Variants in NAAA observed in about 807,000 individuals in gnomAD.
NAAA encodes N-acylethanolamine-hydrolyzing acid amidase.
In NAAA, 39 loss-of-function variants were observed where a neutral mutation model predicts 44.8. The ratio of observed to expected loss-of-function variants is 0.87; its 90% CI spans 0.67 to 1.14. The LOEUF (loss-of-function observed/expected upper bound fraction) is 1.14, where lower values mean the gene tolerates loss of function less well. Ranked by LOEUF, NAAA falls within the 50% of genes most tolerant of loss-of-function variation. The pLI, the probability that NAAA is intolerant of heterozygous loss-of-function variation, is 0.00. For missense variants in NAAA, 460 were observed against 467.8 expected (o/e 0.98, Z 0.15); for synonymous variants, 178 against 191.3 (o/e 0.93, Z 0.58).
intron 5 of NAAA, among the ~76,000 whole-genome samples, chr4:75,925,341 A>G (rs1726573799): frequency 6.6e-6 from 1 of 152,148 alleles, no homozygotes; most frequent in Non-Finnish European, 1.5e-5. Context: ...TGCCTGGAGC[A>G]TAACTTCTAA....
At chr4:75,928,672 G>A (rs1332283235) in intron 4 of NAAA, among the ~76,000 whole-genome samples, 1 of 152,116 alleles carries the variant, frequency 6.6e-6, no homozygotes, top group Non-Finnish European at 1.5e-5. Flanking sequence ...GGCCAGGCCT[G>A]GAGATGCAAC....
chr4:75,931,140 G>A (rs1560513962), intron 4 of NAAA, 74 bp downstream of exon 4: 6 of 1,196,432 alleles, frequency 5.0e-6, no homozygotes, highest in Non-Finnish European at 7.4e-6. Flanking sequence ...ATTCTGTTGG[G>A]TGAGTGAAGG....
At chr4:75,920,885 T>G in intron 6 of NAAA, 66 bp downstream of exon 6, 3 of 1,612,574 alleles carry the variant, frequency 1.9e-6, no homozygotes, top group Non-Finnish European at 2.5e-6. Context: ...AAAATACCCC[T>G]CATTTCACCG....
At chr4:75,921,985 G>C (rs570932721) in intron 5 of NAAA, among the ~76,000 whole-genome samples, 1 of 152,100 alleles carries the variant, frequency 6.6e-6, no homozygotes, top group Admixed American at 6.5e-5. Context: ...AATATCCTTC[G>C]GTGGAGGGCC....
In NAAA at chr4:75,913,930, T is replaced by C. The variant is rs566865173; in HGVS notation, c.*445A>G. On this transcript the variant is annotated 3_prime_UTR_variant, in exon 11 of 11. Coordinates refer to ENST00000286733, the MANE Select transcript of NAAA (RefSeq NM_014435.4). ...GGTTCGAAATAGAGTTCTCCATTTC[T>C]TTCAGATGAGCCTTTTTTCTTAGGC... The C allele has an allele frequency of 1.9e-5, 19 of 985,434 alleles. No individual in the cohort carries two copies. The highest frequency in any genetic ancestry group is 2.3e-5 in the Non-Finnish European group (19 of 829,932). The allele number at this position is 985,434 out of a possible 1,614,324, so 61.0% of individuals were successfully genotyped here.
At chr4:75,915,766 C>T (rs913765887) in intron 9 of NAAA, among the ~76,000 whole-genome samples, 10 of 152,152 alleles carry the variant, frequency 6.6e-5, no homozygotes, top group Non-Finnish European at 1.2e-4. Flanking sequence ...AGGCACCTGC[C>T]CCGCCCCTCC....
In NAAA at chr4:75,939,985, G is replaced by A. The variant is rs1225509231; in HGVS notation, c.371+16C>T. Reference sequence around the variant, plus strand: ...CGCAAGCCCCGCGTTACTCCGCGCGGGCTTGGGGCACTCACACGGAGGACT... The same window carrying A: ...CGCAAGCCCCGCGTTACTCCGCGCGAGCTTGGGGCACTCACACGGAGGACT... On this transcript the variant is annotated intron_variant, in intron 2 of 10. Coordinates refer to ENST00000286733, the MANE Select transcript of NAAA (RefSeq NM_014435.4). 3 of 1,612,694 alleles carry A rather than the reference G, an allele frequency of 1.9e-6. No homozygotes were observed. Among genetic ancestry groups the A allele is most frequent in the East Asian group, 2.2e-5 (1 of 44,842 alleles).
chr4:75,921,110 G>A lies in NAAA; in HGVS notation c.680C>T (p.Ser227Leu), dbSNP rs750404242. ...SWLIRATLSE[S>L]ENFEAAVGKL... ...GCCAACAGCTGCTTCGAAGTTTTCC[G>A]ACTCACTCAGGGTCTGAACGAAAGG... The change falls in exon 6 of 11, where the codon TCG (serine) becomes TTG (leucine). Residue 227 changes from serine to leucine, a missense_variant. By Grantham distance (145) the Ser-to-Leu change is moderately radical (BLOSUM62 -2). Transcript: ENST00000286733. 75 of 1,582,572 alleles carry A rather than the reference G, an allele frequency of 4.7e-5. No homozygotes were observed. The highest frequency in any genetic ancestry group is 5.7e-5 in the Non-Finnish European group (67 of 1,169,782).
At chr4:75,918,695 C>T (rs1560500189) in intron 9 of NAAA, 66 bp downstream of exon 9, 2 of 1,547,216 alleles carry the variant, frequency 1.3e-6, no homozygotes, top group East Asian at 2.2e-5. Flanking sequence ...CTGAGCCAAA[C>T]AGTACGTGAG....
At chr4:75,915,009 T>G (rs772940659) in intron 9 of NAAA, 24 bp from the exon 10 acceptor site, 1 of 1,516,022 alleles carries the variant, frequency 6.6e-7, no homozygotes, top group Admixed American at 1.7e-5. Flanking sequence ...GGAAATTTTA[T>G]GTACACATCA....
chr4:75,926,021 A>G (rs1185138079), intron 4 of NAAA, among the ~76,000 whole-genome samples: 2 of 152,180 alleles, frequency 1.3e-5, no homozygotes, highest in African/African-American at 2.4e-5. Context: ...CCATCAAGGG[A>G]AGTGTCTTAA....
chr4:75,917,183 C>A, intron 9 of NAAA: 1 of 709,414 alleles, frequency 1.4e-6, no homozygotes, highest in South Asian at 6.4e-5. Flanking sequence ...CAACATTGTG[C>A]CCCGCTATGA....
chr4:75,919,604 G>A (rs905287309), intron 8 of NAAA: 75 of 452,128 alleles, frequency 1.7e-4, no homozygotes, highest in Non-Finnish European at 2.8e-4. Flanking sequence ...TCAGCCTCTG[G>A]AGTAGCTTGG....
In NAAA at chr4:75,939,647, C is replaced by T. The variant is rs527304375; in HGVS notation, c.371+354G>A. 3.7e-5 allele frequency: 8 copies of T among 217,736 alleles called. No individual in the cohort carries two copies. The East Asian group carries it at 8.1e-4, about 22-fold the overall frequency. 13.5% of individuals were successfully genotyped at this position (217,736 alleles called of 1,614,324 possible). ...GGCCAGGCTGATCTCGAACTCCTAA[C>T]CTCGTGATCTGCCCACCTTGGCCTC... On this transcript the variant is annotated intron_variant, in intron 2 of 10. Coordinates refer to ENST00000286733, the MANE Select transcript of NAAA (RefSeq NM_014435.4).
chr4:75,936,384 T>C (rs1031717715), intron 2 of NAAA, 149 bp from the exon 3 acceptor site: 6 of 864,508 alleles, frequency 6.9e-6, no homozygotes, highest in African/African-American at 3.4e-5. Context: ...TATAAGAATA[T>C]AGATTAACAA....
intron 9 of NAAA, 40 bp from the exon 10 acceptor site, chr4:75,915,025 T>C (rs1401278286): frequency 2.1e-6 from 3 of 1,435,044 alleles, no homozygotes; most frequent in Admixed American, 3.3e-5. Flanking sequence ...CATCATTTTC[T>C]CTAATATGCC....
downstream of NAAA, among the ~76,000 whole-genome samples, chr4:75,912,851 C>T (rs184585318): frequency 4.7e-4 from 71 of 151,894 alleles, no homozygotes; most frequent in South Asian, 5.6e-3. Context: ...CATGAGTAAA[C>T]TACTTCTCAT....
intron 5 of NAAA, among the ~76,000 whole-genome samples, chr4:75,921,689 C>A (rs766488119): frequency 6.6e-6 from 1 of 152,142 alleles, no homozygotes; most frequent in Non-Finnish European, 1.5e-5. Context: ...TGGGAAGCAT[C>A]GCATGAATTG....
chr4:75,920,988 G>C lies in NAAA; in HGVS notation c.802C>G (p.Pro268Ala). ...GVVITRNRDG[P>A]ADIWPLDPLN... ...GGATCTAGAGGCCAAATGTCTGCTG[G>C]GCCATCTCTGTTCCTCGTGATGACC... The change falls in exon 6 of 11, where the codon CCA becomes GCA. Residue 268 changes from proline (P) to alanine (A), a missense_variant. Transcript: ENST00000286733. 1 of 1,612,934 alleles carries C rather than the reference G, an allele frequency of 6.2e-7. No homozygotes were observed. The highest frequency in any genetic ancestry group is 1.3e-5 in the African/African-American group (1 of 74,854).
Sources: allele counts gnomAD v4.1 joint callset (sites outside exome capture counted in the v4.1 genomes callset), GRCh38; gene constraint gnomAD v4.1.1; transcripts MANE v1.5; gene names NCBI Gene and HGNC (gene_info 2026-07-23, HGNC 2026-07-21).